The following PSD3 variants were observed in gnomAD, a reference collection of about 807,000 sequenced individuals.
The protein encoded by PSD3 is PH and SEC7 domain-containing protein 3.
Under a neutral mutation model 105.5 loss-of-function variants are expected in PSD3, and 49 were observed. The ratio of observed to expected loss-of-function variants is 0.46; its 90% CI spans 0.37 to 0.59. The LOEUF (loss-of-function observed/expected upper bound fraction) is 0.59, where lower values mean the gene tolerates loss of function less well. PSD3 is among the 20% of genes least tolerant of loss of function. PSD3 has a pLI of 0.00. For synonymous variants in PSD3, 557 were observed against 457.8 expected, an observed-to-expected ratio of 1.22 and a Z score of -2.77; for missense variants, 1,561 against 1,263.8, an observed-to-expected ratio of 1.24 and a Z score of -3.57.
At chr8:18,947,324 C>G (rs1223414954) in intron 1 of PSD3, among the ~76,000 whole-genome samples, 1 of 152,220 alleles carries the variant, frequency 6.6e-6, no homozygotes, top group African/African-American at 2.4e-5. Context: ...AAGCCTCGGT[C>G]CTCACCCAGT....
chr8:18,745,540 T>C (rs756383002), intron 9 of PSD3, among the ~76,000 whole-genome samples: 103 of 152,294 alleles, frequency 6.8e-4, no homozygotes, highest in Non-Finnish European at 1.1e-3. Flanking sequence ...CACCACAAGA[T>C]GTTCTAGGCT....
intron 1 of PSD3, among the ~76,000 whole-genome samples, chr8:19,072,118 T>G (rs75476704): frequency 2.8e-5 from 4 of 140,958 alleles, no homozygotes; most frequent in African/African-American, 5.2e-5. Context: ...TTTTTTTTTT[T>G]TGTGACGGAG....
intron 11 of PSD3, among the ~76,000 whole-genome samples, chr8:18,603,791 A>G (rs550080548): frequency 7.2e-5 from 11 of 152,030 alleles, no homozygotes; most frequent in African/African-American, 1.7e-4. Flanking sequence ...AGTGTGTAGC[A>G]CCTCGCCCAG....
chr8:18,854,868 A>C lies in PSD3; in HGVS notation c.1634+12806T>G, dbSNP rs138418295. Among the ~76,000 whole-genome samples the C allele has an allele frequency of 5.2e-3, 787 of 152,176 alleles. 19 individuals are homozygous for C. Among genetic ancestry groups the C allele is most frequent in the Admixed American group, 0.043 (660 of 15,304 alleles). Reference sequence around the variant, plus strand: ...CTAGTTTTGTTTTTTCTGCTCGTGGATGTGAAAATATTTATTGTCCTGTTG... The same window carrying C: ...CTAGTTTTGTTTTTTCTGCTCGTGGCTGTGAAAATATTTATTGTCCTGTTG... On this transcript the variant is annotated intron_variant, in intron 4 of 15. Coordinates refer to ENST00000327040, the MANE Select transcript of PSD3 (RefSeq NM_015310.4).
Position 18,917,023 on chromosome 8 carries a change from C to T in PSD3, c.130+19011G>A, listed in dbSNP as rs149624198. ...CTGAATGTGCCATGGGCATCTCCTACGCAACATGTCCCAAAGTGTCAGCAT... is the reference window on the plus strand; with the variant it reads ...CTGAATGTGCCATGGGCATCTCCTATGCAACATGTCCCAAAGTGTCAGCAT... On this transcript the variant is annotated intron_variant, in intron 2 of 15. Coordinates refer to ENST00000327040, the MANE Select transcript of PSD3 (RefSeq NM_015310.4). Among the ~76,000 whole-genome samples, 1,092 of 152,256 alleles carry T rather than the reference C, an allele frequency of 7.2e-3. 10 individuals carry two copies. The highest frequency in any genetic ancestry group is 0.011 in the Non-Finnish European group (741 of 68,004).
At chr8:19,033,429 T>C (rs1343481756) in intron 1 of PSD3, among the ~76,000 whole-genome samples, 2 of 152,222 alleles carry the variant, frequency 1.3e-5, no homozygotes, top group Non-Finnish European at 2.9e-5. Flanking sequence ...AGTTTACTTT[T>C]GATTCTCTCT....
intron 9 of PSD3, among the ~76,000 whole-genome samples, chr8:18,722,892 C>T (rs546031645): frequency 5.3e-5 from 8 of 152,302 alleles, no homozygotes; most frequent in East Asian, 3.9e-4. Context: ...ACCCGTTATG[C>T]GAACCCCACA....
At chr8:18,962,216 A>T (rs934763548) in intron 1 of PSD3, among the ~76,000 whole-genome samples, 2 of 152,258 alleles carry the variant, frequency 1.3e-5, no homozygotes, top group Admixed American at 6.5e-5. Flanking sequence ...ACTGCACTAC[A>T]GCATGGGTGA....
intron 9 of PSD3, among the ~76,000 whole-genome samples, chr8:18,660,383 T>A (rs559042899): frequency 6.6e-6 from 1 of 152,216 alleles, no homozygotes; most frequent in Non-Finnish European, 1.5e-5. Context: ...GCCTCTGCAA[T>A]TGTGAGAATG....
chr8:18,990,315 T>A (rs193143034), intron 1 of PSD3, among the ~76,000 whole-genome samples: 1 of 152,324 alleles, frequency 6.6e-6, no homozygotes, highest in East Asian at 1.9e-4. Context: ...GGCCCTAGCT[T>A]ATCTTTGCAA....
At chr8:18,908,352 C>A (rs1242671598) in intron 2 of PSD3, among the ~76,000 whole-genome samples, 1 of 152,140 alleles carries the variant, frequency 6.6e-6, no homozygotes, top group Non-Finnish European at 1.5e-5. Flanking sequence ...TAATTTACTT[C>A]TCCATCTTAG....
intron 12 of PSD3, among the ~76,000 whole-genome samples, chr8:18,593,897 T>A (rs1241194975): frequency 2.2e-5 from 3 of 135,006 alleles, no homozygotes; most frequent in Non-Finnish European, 4.6e-5. Context: ...CACCGCATGC[T>A]CTCAGTCATA....
intron 12 of PSD3, among the ~76,000 whole-genome samples, chr8:18,578,398 C>T (rs1241374569): frequency 2.6e-5 from 4 of 152,170 alleles, no homozygotes; most frequent in African/African-American, 9.6e-5. Context: ...AATTCTTTTA[C>T]ATCTCCATGA....
intron 9 of PSD3, among the ~76,000 whole-genome samples, chr8:18,698,705 C>A (rs894067305): frequency 3.9e-5 from 6 of 152,128 alleles, no homozygotes; most frequent in Admixed American, 3.9e-4. Flanking sequence ...CAATAGCAAA[C>A]AGATATACCT....
chr8:18,931,588 T>C (rs761658189), intron 2 of PSD3, among the ~76,000 whole-genome samples: 4 of 152,198 alleles, frequency 2.6e-5, no homozygotes, highest in Non-Finnish European at 2.9e-5. Context: ...ACAATCACTC[T>C]AGAACCTTAA....
At chr8:19,036,281 T>C (rs59169070) in intron 1 of PSD3, among the ~76,000 whole-genome samples, 17,347 of 152,026 alleles carry the variant, frequency 0.11, 1,098 homozygotes, top group African/African-American at 0.17. Flanking sequence ...CCCCAATGCT[T>C]ATGCAATCTC....
intron 1 of PSD3, among the ~76,000 whole-genome samples, chr8:18,960,318 T>C (rs866638550): frequency 1.1e-4 from 17 of 152,206 alleles, no homozygotes; most frequent in African/African-American, 4.1e-4. Context: ...ACCAAAGAAG[T>C]GTCTTCTGAA....
chr8:19,056,871 T>C (rs1293826055), intron 1 of PSD3, among the ~76,000 whole-genome samples: 1 of 152,160 alleles, frequency 6.6e-6, no homozygotes. Flanking sequence ...AGAGGTTAGG[T>C]AGAAGCTTGT....
At chr8:18,775,437 C>CT (rs1563252064) in intron 8 of PSD3, among the ~76,000 whole-genome samples, 1 of 152,188 alleles carries the variant, frequency 6.6e-6, no homozygotes, top group Non-Finnish European at 1.5e-5. Context: ...CATTCACACT[C>CT]TTTTTCATAC....
Sources: allele counts gnomAD v4.1 joint callset (sites outside exome capture counted in the v4.1 genomes callset), GRCh38; gene constraint gnomAD v4.1.1; transcripts MANE v1.5; gene names NCBI Gene and HGNC (gene_info 2026-07-23, HGNC 2026-07-21).